The following EIF2B1 variants were observed in gnomAD, a reference collection of about 807,000 sequenced individuals.
EIF2B1 encodes eukaryotic translation initiation factor 2B subunit alpha, also known as translation initiation factor eIF2B subunit alpha.
EIF2B1 carries 30 observed loss-of-function variants against 36.8 expected under a neutral mutation model. That is an observed-to-expected ratio of 0.81 (90% confidence interval 0.61 to 1.10). The LOEUF (loss-of-function observed/expected upper bound fraction) is 1.10. Among genes scored for constraint, EIF2B1 ranks in the 50% least tolerant of loss-of-function variants. The pLI, the probability that EIF2B1 is intolerant of heterozygous loss-of-function variation, is 0.00. For missense variants in EIF2B1, 271 were observed against 374.8 expected, an observed-to-expected ratio of 0.72 and a Z score of 2.29; for synonymous variants, 139 against 142.2, an observed-to-expected ratio of 0.98 and a Z score of 0.16.
Position 123,626,652 on chromosome 12 carries a change from T to C in EIF2B1, c.483-159A>G, listed in dbSNP as rs187318234. The C allele has an allele frequency of 8.3e-5, 69 of 836,302 alleles. No homozygotes were observed. The African/African-American group carries it at 1.0e-3, about 12-fold the overall frequency. The allele number at this position is 836,302 out of a possible 1,614,324, so 51.8% of individuals were successfully genotyped here. On this transcript the variant is annotated intron_variant, in intron 5 of 8. Coordinates refer to ENST00000424014, the MANE Select transcript of EIF2B1 (RefSeq NM_001414.4). ...ACTTTGGACTAAGGAAACAAGAATTTGAGTTCTTTAGAAAGAAGTATTTTT... is the reference window on the plus strand; with the variant it reads ...ACTTTGGACTAAGGAAACAAGAATTCGAGTTCTTTAGAAAGAAGTATTTTT...
Position 123,630,552 on chromosome 12 carries a change from G to A in EIF2B1, c.116-19C>T, listed in dbSNP as rs761922213. On this transcript the variant is annotated intron_variant, in intron 2 of 8. Coordinates refer to ENST00000424014, the MANE Select transcript of EIF2B1 (RefSeq NM_001414.4). The surrounding 1 kb of genome is among the most constrained non-coding windows in gnomAD (Gnocchi z 4.6). The stretch of plus-strand genomic sequence containing the variant: ...GTCTCCCCTGGAATGATCCAACAAG[G>A]AATGTGATGTTCACATTAGGGCCAC... The A allele has an allele frequency of 2.5e-6, 4 of 1,610,408 alleles. No homozygotes were observed. The Admixed American group carries it at 6.7e-5, about 27-fold the overall frequency.
Position 123,632,417 on chromosome 12 carries a change from T to C in EIF2B1, c.43A>G (p.Lys15Glu), listed in dbSNP as rs765735911. 2 of 1,613,706 alleles carry C rather than the reference T, an allele frequency of 1.2e-6. No individual in the cohort carries two copies. The highest frequency in any genetic ancestry group is 2.7e-5 in the African/African-American group (2 of 74,920). Residue 15 changes from lysine (K) to glutamate (E), a missense_variant, in exon 2 of 9, where the codon AAA becomes GAA. Physicochemically the swap from Lys to Glu is moderately conservative, Grantham distance 56. Transcript: ENST00000424014. Reference protein sequence around the residue: ...ELIEYFKSQMKEDPDMASAVA... With the variant: ...ELIEYFKSQMEEDPDMASAVA... ...GCTGAGGCCATGTCAGGATCTTCTT[T>C]CATCTGAGACTTAAAGTATTCAATT...
chr12:123,620,600 AT>A lies in EIF2B1; in HGVS notation c.*1155del, dbSNP rs1566211007. On this transcript the variant is annotated 3_prime_UTR_variant, in exon 9 of 9. Transcript: ENST00000424014. ...ACATATTATATATATATATATATAT[AT>A]ATATATATATATATATATATATATA... The A allele has an allele frequency of 1.2e-3, 86 of 72,258 alleles. 6 individuals carry two copies. The highest frequency in any genetic ancestry group is 3.7e-3 in the African/African-American group (84 of 22,980). The allele number at this position is 72,258 out of a possible 1,614,324, so 4.5% of individuals were successfully genotyped here. A position where few individuals can be genotyped will look rare whatever the true frequency, so the allele number is the denominator to read the frequency against.
At position 123,624,872 on chromosome 12, in the gene EIF2B1, A is replaced by C; in HGVS notation, c.552-10T>G. 1 of 1,613,546 alleles carries C rather than the reference A, an allele frequency of 6.2e-7. No homozygotes were observed. On this transcript the variant is annotated splice_polypyrimidine_tract_variant and intron_variant, in intron 6 of 8. Transcript: ENST00000424014. ...TTTCTCCATGATGTAGCTAAGGGGA[A>C]AAAAAGCTTTTCATGCTTTATTTTC... is the stretch of plus-strand genomic sequence containing the variant.
Position 123,621,322 on chromosome 12 carries a change from A to C in EIF2B1, c.*434T>G. 1 of 274,972 alleles carries C rather than the reference A, an allele frequency of 3.6e-6. No homozygotes were observed. Among genetic ancestry groups the C allele is most frequent in the Non-Finnish European group, 7.2e-6 (1 of 139,812 alleles). 17.0% of individuals were successfully genotyped at this position (274,972 alleles called of 1,614,324 possible). On this transcript the variant is annotated 3_prime_UTR_variant, in exon 9 of 9. Transcript: ENST00000424014. ...ATTCAGCAAGTGTTTCTTGCCTCTT[A>C]CAAGGCACCGCGTGTAACGTCCTGA...
intron 7 of EIF2B1, among the ~76,000 whole-genome samples, chr12:123,624,557 A>G (rs1157609832): frequency 1.3e-5 from 2 of 152,144 alleles, no homozygotes; most frequent in Admixed American, 6.6e-5. Flanking sequence ...ATCACACCTG[A>G]CCAAATTACA....
Position 123,633,668 on chromosome 12 carries a change from C to A in EIF2B1, c.-111G>T. The A allele has an allele frequency of 6.5e-7, 1 of 1,533,964 alleles. No individual in the cohort carries two copies. The highest frequency in any genetic ancestry group is 8.9e-7 in the Non-Finnish European group (1 of 1,121,534). On this transcript the variant is annotated 5_prime_UTR_variant, in exon 1 of 9. Transcript: ENST00000424014. ...AGTCTGACAGCGCGCTGCACACCTC[C>A]GCACCCCACTTCCGGCGCACTTCCG...
chr12:123,623,377 A>T lies in EIF2B1; in HGVS notation c.628-616T>A, dbSNP rs541710527. On this transcript the variant is annotated intron_variant, in intron 7 of 8. Coordinates refer to ENST00000424014, the MANE Select transcript of EIF2B1 (RefSeq NM_001414.4). ...CTCCAGCCTGGACAGCAAGAGTGAA[A>T]CTCCATCTCAAAAAATAAAAAAATT... 2.0e-5 allele frequency among the ~76,000 whole-genome samples: 3 copies of T among 152,156 alleles called. No individual in the cohort carries two copies. In the South Asian group the frequency reaches 6.2e-4, roughly 32 times the overall value.
chr12:123,621,738 C>T lies in EIF2B1; in HGVS notation c.*18G>A. ...CTCAACTACGTAAGCTGCACCTTGG[C>T]AGGAAAGGGCTCACAGGTTACAGAT... On this transcript the variant is annotated 3_prime_UTR_variant, in exon 9 of 9. Transcript: ENST00000424014. The T allele has an allele frequency of 1.2e-6, 2 of 1,613,032 alleles. No homozygotes were observed. The highest frequency in any genetic ancestry group is 1.3e-5 in the African/African-American group (1 of 74,998).
At chr12:123,624,764 C>T in intron 7 of EIF2B1, 23 bp downstream of exon 7, 1 of 1,608,676 alleles carries the variant, frequency 6.2e-7, no homozygotes, top group Non-Finnish European at 8.5e-7. Flanking sequence ...GAGCAGGGAA[C>T]TGGGGAGAAC....
chr12:123,627,632 A>T (rs1955158736), intron 4 of EIF2B1, among the ~76,000 whole-genome samples: 1 of 152,236 alleles, frequency 6.6e-6, no homozygotes, highest in Non-Finnish European at 1.5e-5. Flanking sequence ...GGACTGCCTG[A>T]GCCCAGGAGT....
intron 6 of EIF2B1, 85 bp from the exon 7 acceptor site, chr12:123,624,947 C>G: frequency 7.7e-7 from 1 of 1,297,852 alleles, no homozygotes; most frequent in Non-Finnish European, 1.1e-6. Context: ...TATTCCATTT[C>G]TATCAAGGTA....
Position 123,622,622 on chromosome 12 carries a change from T to C in EIF2B1, c.753+14A>G, listed in dbSNP as rs1262326500. Reference sequence around the variant, plus strand: ...TTAGACTTTAGTACCCCTTCAAATATGTAAAACTCTTGCCTTAAACTTATC... The same window carrying C: ...TTAGACTTTAGTACCCCTTCAAATACGTAAAACTCTTGCCTTAAACTTATC... On this transcript the variant is annotated intron_variant, in intron 8 of 8. Coordinates refer to ENST00000424014, the MANE Select transcript of EIF2B1 (RefSeq NM_001414.4). 3 of 1,613,924 alleles carry C rather than the reference T, an allele frequency of 1.9e-6. No individual in the cohort carries two copies. The highest frequency in any genetic ancestry group is 2.5e-6 in the Non-Finnish European group (3 of 1,179,808).
rs1418423294 is a variant in EIF2B1 at position 123,630,446 on chromosome 12, C to A, written c.203G>T (p.Gly68Val). 1 of 1,614,078 alleles carries A rather than the reference C, an allele frequency of 6.2e-7. No individual in the cohort carries two copies. Among genetic ancestry groups the A allele is most frequent in the East Asian group, 2.2e-5 (1 of 44,874 alleles). Residue 68 changes from glycine (G) to valine (V), a missense_variant, in exon 3 of 9, where the codon GGC (glycine) becomes GTC (valine). By Grantham distance (109) the Gly-to-Val change is moderately radical. Transcript: ENST00000424014. This position sits in a 1 kb window ranked among gnomAD's most constrained non-coding sequence, Gnocchi z 4.6. Reference protein sequence around the residue: ...GVDSSVAVSSGGELFLRFISL... With the variant: ...GVDSSVAVSSVGELFLRFISL... Reference sequence around the variant, plus strand: ...GATGAAGCGGAGGAAGAGCTCCCCGCCAGAGGACACTGCCACAGAGGAGTC... The same window carrying A: ...GATGAAGCGGAGGAAGAGCTCCCCGACAGAGGACACTGCCACAGAGGAGTC...
intron 1 of EIF2B1, 75 bp downstream of exon 1, chr12:123,633,470 C>T: frequency 6.9e-6 from 11 of 1,601,754 alleles, no homozygotes; most frequent in South Asian, 1.1e-5. Flanking sequence ...GGGAGCTCAG[C>T]CTGGATGTGA....
At chr12:123,631,775 C>T (rs1955190012) in intron 2 of EIF2B1, among the ~76,000 whole-genome samples, 1 of 151,428 alleles carries the variant, frequency 6.6e-6, no homozygotes. Flanking sequence ...CCACTGCACT[C>T]CAGCCCGGGT....
At chr12:123,632,757 T>TA (rs566292680) in intron 1 of EIF2B1, among the ~76,000 whole-genome samples, 2,365 of 151,726 alleles carry the variant, frequency 0.016, 54 homozygotes, top group African/African-American at 0.055. Flanking sequence ...CCATCCCGGC[T>TA]AAAACGGTGA....
intron 5 of EIF2B1, 47 bp from the exon 6 acceptor site, chr12:123,626,540 C>A: frequency 6.2e-7 from 1 of 1,601,358 alleles, no homozygotes; most frequent in Non-Finnish European, 8.6e-7. Context: ...AAGACAGTAC[C>A]ACAGTGATGT....
chr12:123,621,459 G>A lies in EIF2B1; in HGVS notation c.*297C>T. ...GGGAGGATGAAGACAGGTGGACTTG[G>A]GCTCATCTTTCATCAGTTAAGTAGC... On this transcript the variant is annotated 3_prime_UTR_variant, in exon 9 of 9. Transcript: ENST00000424014. 2.5e-6 allele frequency: 1 copy of A among 407,260 alleles called. No individual in the cohort carries two copies. Among genetic ancestry groups the A allele is most frequent in the African/African-American group, 2.1e-5 (1 of 48,682 alleles). 25.2% of individuals were successfully genotyped at this position (407,260 alleles called of 1,614,324 possible).
Sources: allele counts gnomAD v4.1 joint callset (sites outside exome capture counted in the v4.1 genomes callset), GRCh38; gene constraint gnomAD v4.1.1; non-coding constraint Gnocchi (gnomAD v3.1); transcripts MANE v1.5; gene names NCBI Gene and HGNC (gene_info 2026-07-23, HGNC 2026-07-21).